The following TMEM132C variants were observed in gnomAD, a reference collection of about 807,000 sequenced individuals.
The protein encoded by TMEM132C is transmembrane protein 132C, also known as protein phosphatase 1, regulatory subunit 152.
Under a neutral mutation model 61.4 loss-of-function variants are expected in TMEM132C, and 29 were observed. The observed-to-expected ratio is 0.47, with a 90% CI of 0.35 to 0.64. The LOEUF is 0.64. TMEM132C is among the 30% of genes least tolerant of loss of function. The probability of loss-of-function intolerance (pLI) is 0.00; values close to 1 mark genes in which losing one functional copy is unlikely to be tolerated. For missense variants in TMEM132C, 1,408 were observed against 1,476.9 expected (o/e 0.95, Z 0.76); for synonymous variants, 656 against 633.1 (o/e 1.04, Z -0.54).
At chr12:128,440,489 CT>C (rs1225297932) in intron 2 of TMEM132C, among the ~76,000 whole-genome samples, 1 of 152,234 alleles carries the variant, frequency 6.6e-6, no homozygotes, top group Non-Finnish European at 1.5e-5. Context: ...GCCACGGCCC[CT>C]GAATGAGACC....
rs2135629915 is a variant in TMEM132C, at chr12:128,668,719, C to CCA, written c.1306-698_1306-697insCA. ...TAAAGTTAAGATGTTGGCAGGGCTG[C>CCA]ACTCCTTCTGGAAGCTCTCAGGGAA... is the stretch of plus-strand genomic sequence containing the variant. On this transcript the variant is annotated intron_variant, in intron 4 of 8. Transcript: ENST00000435159. 1.3e-5 allele frequency among the ~76,000 whole-genome samples: 2 copies of CCA among 152,140 alleles called. 1 individual carries two copies. Among genetic ancestry groups the CCA allele is most frequent in the Admixed American group, 1.3e-4 (2 of 15,280 alleles).
chr12:128,704,121 G>A (rs1236214364), intron 8 of TMEM132C, among the ~76,000 whole-genome samples: 2 of 152,164 alleles, frequency 1.3e-5, no homozygotes, highest in African/African-American at 4.8e-5. Context: ...GCATTTCTAG[G>A]CCAGTAGCTT....
At chr12:128,576,619 G>T (rs780275181) in intron 3 of TMEM132C, among the ~76,000 whole-genome samples, 10 of 152,156 alleles carry the variant, frequency 6.6e-5, no homozygotes, top group Non-Finnish European at 1.2e-4. Flanking sequence ...CTGGCACTTG[G>T]TATGCATCTC....
chr12:128,398,071 C>T (rs1293573024), intron 1 of TMEM132C, among the ~76,000 whole-genome samples: 1 of 152,150 alleles, frequency 6.6e-6, no homozygotes, highest in African/African-American at 2.4e-5. Context: ...AAATAAGAAC[C>T]ACGATAAGCT....
intron 5 of TMEM132C, among the ~76,000 whole-genome samples, chr12:128,679,272 C>T (rs548130275): frequency 6.6e-6 from 1 of 152,332 alleles, no homozygotes; most frequent in Non-Finnish European, 1.5e-5. Flanking sequence ...TATTTAATCA[C>T]TGGGAGGCTA....
chr12:128,686,958 A>C (rs1954681697), intron 5 of TMEM132C, among the ~76,000 whole-genome samples: 2 of 152,092 alleles, frequency 1.3e-5, no homozygotes, highest in Admixed American at 1.3e-4. Context: ...GCAATTTAGG[A>C]GGCCAAGGTG....
intron 1 of TMEM132C, among the ~76,000 whole-genome samples, chr12:128,376,873 T>C (rs963839963): frequency 2.0e-5 from 3 of 152,206 alleles, no homozygotes; most frequent in Non-Finnish European, 2.9e-5. Context: ...GTGGGTTTAC[T>C]GTGGGAAGAT....
At chr12:128,384,041 C>T (rs191582308) in intron 1 of TMEM132C, among the ~76,000 whole-genome samples, 3 of 152,260 alleles carry the variant, frequency 2.0e-5, no homozygotes, top group African/African-American at 7.2e-5. Flanking sequence ...GCTCCACTAC[C>T]ACCAAAGAAA....
intron 1 of TMEM132C, among the ~76,000 whole-genome samples, chr12:128,413,862 G>A (rs1868656800): frequency 6.6e-6 from 1 of 151,992 alleles, no homozygotes; most frequent in African/African-American, 2.4e-5. Flanking sequence ...AATTATACAG[G>A]CAAATTTATT....
At chr12:128,658,005 C>T (rs1036379284) in intron 4 of TMEM132C, among the ~76,000 whole-genome samples, 2 of 150,870 alleles carry the variant, frequency 1.3e-5, no homozygotes, top group African/African-American at 4.9e-5. Flanking sequence ...AAGGCAGGAG[C>T]AGGGACGCAG....
intron 1 of TMEM132C, among the ~76,000 whole-genome samples, chr12:128,301,091 C>A (rs939125412): frequency 6.6e-6 from 1 of 152,110 alleles, no homozygotes; most frequent in African/African-American, 2.4e-5. Flanking sequence ...GTCCAACTAC[C>A]TTTTACCATG....
At chr12:128,641,771 G>A (rs73145648) in intron 4 of TMEM132C, among the ~76,000 whole-genome samples, 17,619 of 152,086 alleles carry the variant, frequency 0.12, 1,376 homozygotes, top group Non-Finnish European at 0.17. Flanking sequence ...ATCTAAAATT[G>A]GTATTATTTT....
At chr12:128,685,780 G>C (rs1954668951) in intron 5 of TMEM132C, among the ~76,000 whole-genome samples, 2 of 152,170 alleles carry the variant, frequency 1.3e-5, no homozygotes, top group South Asian at 4.1e-4. Flanking sequence ...CCTGACTGAT[G>C]ACTACCAGCT....
At chr12:128,451,279 T>C (rs1414701284) in intron 2 of TMEM132C, among the ~76,000 whole-genome samples, 3 of 151,920 alleles carry the variant, frequency 2.0e-5, no homozygotes, top group Non-Finnish European at 4.4e-5. Flanking sequence ...AAATAATAAA[T>C]GAAAAAAAGG....
intron 2 of TMEM132C, among the ~76,000 whole-genome samples, chr12:128,468,917 CA>C (rs2136077928): frequency 1.3e-5 from 2 of 152,258 alleles, no homozygotes; most frequent in East Asian, 3.9e-4. Flanking sequence ...ATGGTTCTAA[CA>C]AAAATCATGA....
intron 3 of TMEM132C, among the ~76,000 whole-genome samples, chr12:128,607,107 A>G (rs957982016): frequency 6.6e-6 from 1 of 152,168 alleles, no homozygotes; most frequent in African/African-American, 2.4e-5. Flanking sequence ...GGGAGGGTTC[A>G]TGTGAGCTGA....
At chr12:128,402,973 G>C (rs193019639) in intron 1 of TMEM132C, among the ~76,000 whole-genome samples, 1 of 152,154 alleles carries the variant, frequency 6.6e-6, no homozygotes, top group South Asian at 2.1e-4. Flanking sequence ...GAAAAGGGGG[G>C]AACTATCCCC....
chr12:128,337,731 T>C (rs1341112921), intron 1 of TMEM132C, among the ~76,000 whole-genome samples: 1 of 152,222 alleles, frequency 6.6e-6, no homozygotes, highest in Non-Finnish European at 1.5e-5. Context: ...GTCTCCTTGC[T>C]GTTTCTTTTC....
At position 128,695,842 on chromosome 12, in the gene TMEM132C, G is replaced by A. The variant is rs996075598; in HGVS notation, c.1668G>A (p.Glu556=). 6 of 1,546,980 alleles carry A rather than the reference G, an allele frequency of 3.9e-6. No homozygotes were observed. Among genetic ancestry groups the A allele is most frequent in the East Asian group, 2.4e-5 (1 of 40,850 alleles). The stretch of plus-strand genomic sequence containing the variant: ...CCCTTCCCACAAGGCCCACTCGTGA[G>A]AGCGAGGATGAGGACGAGGAGGAGC... ...PIVTNKRPTR[E]SEDEDEEERR... Residue 556 remains glutamate, a synonymous_variant, in exon 7 of 9, where the codon GAG becomes GAA. Coordinates refer to ENST00000435159, the MANE Select transcript of TMEM132C (RefSeq NM_001136103.3).
Sources: gnomAD v4.1 joint callset for allele counts (sites outside exome capture counted in the v4.1 genomes callset) on GRCh38, gnomAD v4.1.1 for gene constraint, MANE v1.5 for transcripts, NCBI Gene and HGNC (gene_info 2026-07-23, HGNC 2026-07-21) for gene names.